Variants in FAM135B observed in about 807,000 individuals in gnomAD.
FAM135B encodes family with sequence similarity 135 member B, also known as protein FAM135B.
A neutral mutation model predicts 127.7 loss-of-function variants in FAM135B; 43 were observed. That is an observed-to-expected ratio of 0.34 (90% CI 0.26 to 0.43). The LOEUF is 0.43. FAM135B is among the 20% of genes least tolerant of loss of function. The pLI is 1.00. For missense variants in FAM135B, 1,558 were observed against 1,725.6 expected (o/e 0.90, Z 1.72); for synonymous variants, 670 against 665.1 (o/e 1.01, Z -0.11).
chr8:138,151,124 T>A (rs557330182), intron 13 of FAM135B, 70 bp downstream of exon 13: 3 of 1,216,272 alleles, frequency 2.5e-6, no homozygotes, highest in East Asian at 5.1e-5. Flanking sequence ...ACAGTATGCA[T>A]GAAATGGAGA....
chr8:138,251,124 T>A (rs1563821417), intron 5 of FAM135B, 110 bp from the exon 6 acceptor site: 5 of 1,229,188 alleles, frequency 4.1e-6, no homozygotes, highest in Non-Finnish European at 1.1e-6. Flanking sequence ...GCATACATCA[T>A]CTCGTTCAAT....
chr8:138,406,592 A>C (rs1389287527), intron 1 of FAM135B, among the ~76,000 whole-genome samples: 1 of 152,156 alleles, frequency 6.6e-6, no homozygotes, highest in Non-Finnish European at 1.5e-5. Context: ...CTGGGATGCA[A>C]GGCTGGTTCA....
chr8:138,200,122 T>C (rs1816993027), intron 7 of FAM135B, among the ~76,000 whole-genome samples: 2 of 152,210 alleles, frequency 1.3e-5, no homozygotes, highest in African/African-American at 4.8e-5. Context: ...AGAGACCCTC[T>C]GTAGAACTTT....
intron 5 of FAM135B, among the ~76,000 whole-genome samples, chr8:138,254,558 T>G (rs1034494414): frequency 1.3e-5 from 2 of 152,184 alleles, no homozygotes; most frequent in African/African-American, 4.8e-5. Context: ...AAGTCAGGGC[T>G]TTACTTCTGA....
rs143774221 is a variant in FAM135B at position 138,339,358 on chromosome 8, A to AAT, written c.78-28440_78-28439dup. On this transcript the variant is annotated intron_variant, in intron 2 of 19. Transcript: ENST00000395297. ...TGCATCCTGTTTAAAAAACTAACTA[A>AAT]ATATATATATATATATATATATATA... is the stretch of plus-strand genomic sequence containing the variant. 3.3e-3 allele frequency among the ~76,000 whole-genome samples: 485 copies of AAT among 147,746 alleles called. 2 individuals are homozygous for AAT. The highest frequency in any genetic ancestry group is 0.011 in the African/African-American group (449 of 39,124).
chr8:138,159,518 A>T (rs1422913893), intron 12 of FAM135B, among the ~76,000 whole-genome samples: 1 of 145,776 alleles, frequency 6.9e-6, no homozygotes, highest in Non-Finnish European at 1.5e-5. Context: ...AAAACCAAAC[A>T]CCACATGTTC....
chr8:138,381,896 T>A (rs139690675), intron 1 of FAM135B, among the ~76,000 whole-genome samples: 1 of 152,002 alleles, frequency 6.6e-6, no homozygotes, highest in East Asian at 1.9e-4. Flanking sequence ...TAACGGGTGG[T>A]GTCTCAACTG....
At chr8:138,420,745 A>G (rs1352727720) in intron 1 of FAM135B, among the ~76,000 whole-genome samples, 1 of 152,196 alleles carries the variant, frequency 6.6e-6, no homozygotes, top group Non-Finnish European at 1.5e-5. Flanking sequence ...CAAAAAACAC[A>G]TGATCATCTC....
chr8:138,341,484 A>T (rs1829042938), intron 2 of FAM135B, among the ~76,000 whole-genome samples: 1 of 152,018 alleles, frequency 6.6e-6, no homozygotes, highest in Non-Finnish European at 1.5e-5. Context: ...AAGCTTTAAA[A>T]GTTCTGGAGA....
Position 138,256,412 on chromosome 8 carries a change from G to A in FAM135B, c.368+277C>T, listed in dbSNP as rs1032170445. Among the ~76,000 whole-genome samples the A allele has an allele frequency of 2.0e-5, 3 of 152,306 alleles. No homozygotes were observed. The Middle Eastern group carries it at 0.01, about 518-fold the overall frequency. On this transcript the variant is annotated intron_variant, in intron 5 of 19. Coordinates refer to ENST00000395297, the MANE Select transcript of FAM135B (RefSeq NM_015912.4). ...ATTTCTATCACATTGTAAGATGTGT[G>A]AAGGTGTCAGACATGAGAAAGTGCC...
At chr8:138,146,265 G>A (rs1352147909) in intron 14 of FAM135B, among the ~76,000 whole-genome samples, 6 of 152,000 alleles carry the variant, frequency 3.9e-5, no homozygotes, top group East Asian at 1.9e-4. Flanking sequence ...TCTTTCTAGC[G>A]GTCCCACCTC....
intron 1 of FAM135B, among the ~76,000 whole-genome samples, chr8:138,478,307 C>T (rs1317034151): frequency 6.6e-6 from 1 of 152,084 alleles, no homozygotes; most frequent in African/African-American, 2.4e-5. Flanking sequence ...CTTGTCTTTG[C>T]AAAGGTTCTT....
chr8:138,479,355 G>A (rs923330440), intron 1 of FAM135B, among the ~76,000 whole-genome samples: 1 of 152,120 alleles, frequency 6.6e-6, no homozygotes, highest in African/African-American at 2.4e-5. Context: ...CCGGGGGTCT[G>A]GCAGTTCCAA....
At chr8:138,420,638 C>T (rs1167964423) in intron 1 of FAM135B, among the ~76,000 whole-genome samples, 1 of 151,966 alleles carries the variant, frequency 6.6e-6, no homozygotes, top group East Asian at 1.9e-4. Flanking sequence ...AAAAAGCTAA[C>T]CCACCAAGAT....
intron 1 of FAM135B, among the ~76,000 whole-genome samples, chr8:138,446,404 A>G (rs1344614901): frequency 1.3e-5 from 2 of 151,936 alleles, no homozygotes; most frequent in African/African-American, 2.4e-5. Context: ...ACTTCAAACT[A>G]CACTACAAGG....
intron 7 of FAM135B, among the ~76,000 whole-genome samples, chr8:138,226,128 A>G (rs541412208): frequency 2.6e-4 from 39 of 150,274 alleles, no homozygotes; most frequent in Admixed American, 6.0e-4. Context: ...TTCTAAAAAA[A>G]TACAATTTTC....
Position 138,226,607 on chromosome 8 carries a change from G to T in FAM135B, c.669+16335C>A, listed in dbSNP as rs564476757. On this transcript the variant is annotated intron_variant, in intron 7 of 19. Transcript: ENST00000395297. ...GAGGCTCACTCTGTCGGTAGTGGAGGCTGGAGTGCAGTAGTGTGATGTCAG... is the reference window on the plus strand; with the variant it reads ...GAGGCTCACTCTGTCGGTAGTGGAGTCTGGAGTGCAGTAGTGTGATGTCAG... 6.4e-4 allele frequency among the ~76,000 whole-genome samples: 97 copies of T among 152,254 alleles called. 1 individual carries two copies. Among genetic ancestry groups the T allele is most frequent in the Admixed American group, 6.3e-3 (97 of 15,304 alleles).
At position 138,151,680 on chromosome 8, in the gene FAM135B, T is replaced by C. The variant is rs368462146; in HGVS notation, c.2795A>G (p.His932Arg). Residue 932 changes from histidine (H) to arginine (R), a missense_variant, in exon 13 of 20, where the codon CAT (histidine) becomes CGT (arginine). Transcript: ENST00000395297. ...CGTACAGCTCAATTCAGGCACCTGATGTTGAGAGAGACCCTCAACCTCTGA... is the reference window on the plus strand; with the variant it reads ...CGTACAGCTCAATTCAGGCACCTGACGTTGAGAGAGACCCTCAACCTCTGA... ...GISEVEGLSQ[H>R]QVPELSCTSA... 11 of 1,614,094 alleles carry C rather than the reference T, an allele frequency of 6.8e-6. No individual in the cohort carries two copies. The highest frequency in any genetic ancestry group is 1.3e-5 in the African/African-American group (1 of 74,932).
chr8:138,296,087 C>A (rs574758981), intron 3 of FAM135B, among the ~76,000 whole-genome samples: 2 of 152,236 alleles, frequency 1.3e-5, no homozygotes, highest in East Asian at 3.9e-4. Flanking sequence ...ATATCAAATG[C>A]CTCTCTATAG....
Sources: gnomAD v4.1 joint callset for allele counts (sites outside exome capture counted in the v4.1 genomes callset) on GRCh38, gnomAD v4.1.1 for gene constraint, MANE v1.5 for transcripts, NCBI Gene and HGNC (gene_info 2026-07-23, HGNC 2026-07-21) for gene names.